Variants in SLC5A4 observed in about 807,000 individuals in gnomAD.
The protein encoded by SLC5A4 is solute carrier family 5 member 4.
SLC5A4 carries 55 observed loss-of-function variants against 70.3 expected under a neutral mutation model. The ratio of observed to expected loss-of-function variants is 0.78; its 90% CI spans 0.63 to 0.98. The LOEUF (loss-of-function observed/expected upper bound fraction) is 0.98. Ranked by LOEUF, SLC5A4 falls within the 50% of genes least tolerant of loss-of-function variation. The probability of loss-of-function intolerance (pLI) is 0.00; values close to 1 mark genes in which losing one functional copy is unlikely to be tolerated. For missense variants in SLC5A4, 735 were observed against 839.2 expected (o/e 0.88, Z 1.53); for synonymous variants, 268 against 305.7 (o/e 0.88, Z 1.29).
At chr22:32,302,458 TTA>T in the SLC5A4 span, among the ~76,000 whole-genome samples, 1 of 152,238 alleles carries the variant, frequency 6.6e-6, no homozygotes, top group Non-Finnish European at 1.5e-5. Context: ...ACATTTAAAT[TTA>T]TATTCTACTT....
At chr22:32,295,147 C>A in the SLC5A4 span, among the ~76,000 whole-genome samples, 9 of 108,150 alleles carry the variant, frequency 8.3e-5, 3 homozygotes, top group Admixed American at 4.1e-4. Context: ...ATCTTTATAG[C>A]AGCATGATTT....
the SLC5A4 span, among the ~76,000 whole-genome samples, chr22:32,329,192 C>T: frequency 6.6e-6 from 1 of 152,014 alleles, no homozygotes; most frequent in Non-Finnish European, 1.5e-5. Context: ...CTGGCCCAGC[C>T]TTGCCATTCA....
the SLC5A4 span, among the ~76,000 whole-genome samples, chr22:32,330,784 TGTG>T: frequency 1.0e-5 from 1 of 100,474 alleles, no homozygotes; most frequent in Non-Finnish European, 2.0e-5. Context: ...GGGGCTCTGG[TGTG>T]TGTGTTGGGG....
At chr22:32,313,774 G>A in the SLC5A4 span, among the ~76,000 whole-genome samples, 4 of 152,080 alleles carry the variant, frequency 2.6e-5, no homozygotes, top group African/African-American at 9.7e-5. Flanking sequence ...ACCCAGTCTG[G>A]CCAATGTCAT....
the SLC5A4 span, among the ~76,000 whole-genome samples, chr22:32,344,749 C>T: frequency 6.6e-6 from 1 of 152,086 alleles, no homozygotes; most frequent in Non-Finnish European, 1.5e-5. Flanking sequence ...CATATAAATA[C>T]AGTATATTTT....
At chr22:32,316,111 A>G in the SLC5A4 span, among the ~76,000 whole-genome samples, 2 of 101,224 alleles carry the variant, frequency 2.0e-5, no homozygotes, top group African/African-American at 3.8e-5. Context: ...TCTGTCTGAA[A>G]AAAAAAAAAA....
At chr22:32,351,852 G>A in the SLC5A4 span, among the ~76,000 whole-genome samples, 1 of 150,924 alleles carries the variant, frequency 6.6e-6, no homozygotes, top group Admixed American at 6.6e-5. Flanking sequence ...AGAAAACAAA[G>A]GGAGGAGGAG....
chr22:32,236,660 A>G (rs568232146), intron 7 of SLC5A4, among the ~76,000 whole-genome samples: 18 of 152,216 alleles, frequency 1.2e-4, no homozygotes, highest in Middle Eastern at 3.4e-3. Context: ...TCTGTCCTTA[A>G]CACAAAGAAA....
the SLC5A4 span, among the ~76,000 whole-genome samples, chr22:32,264,964 C>T: frequency 9.2e-5 from 14 of 152,090 alleles, no homozygotes; most frequent in African/African-American, 3.4e-4. Flanking sequence ...TTTGAAAATG[C>T]CCATGTATAA....
the SLC5A4 span, among the ~76,000 whole-genome samples, chr22:32,311,062 A>C: frequency 6.6e-6 from 1 of 151,890 alleles, no homozygotes; most frequent in Admixed American, 6.6e-5. Context: ...AACGCCCATT[A>C]CTCGGTCCTG....
At chr22:32,285,370 G>A in the SLC5A4 span, among the ~76,000 whole-genome samples, 1 of 152,134 alleles carries the variant, frequency 6.6e-6, no homozygotes, top group Non-Finnish European at 1.5e-5. Flanking sequence ...TAGCAGCAGT[G>A]CATAAGAGTA....
intron 12 of SLC5A4, among the ~76,000 whole-genome samples, 177 bp downstream of exon 12, chr22:32,225,478 G>A (rs142089274): frequency 6.6e-6 from 1 of 152,308 alleles, no homozygotes; most frequent in East Asian, 1.9e-4. Flanking sequence ...TACTATGAAT[G>A]TGCGCTATAT....
chr22:32,320,270 G>A, the SLC5A4 span, among the ~76,000 whole-genome samples: 1 of 152,142 alleles, frequency 6.6e-6, no homozygotes, highest in Non-Finnish European at 1.5e-5. Context: ...CACTGCTGGT[G>A]GGGGGGATGC....
At chr22:32,322,754 G>C in the SLC5A4 span, among the ~76,000 whole-genome samples, 1 of 152,112 alleles carries the variant, frequency 6.6e-6, no homozygotes, top group African/African-American at 2.4e-5. Context: ...TGTGTGTGGG[G>C]ACAGGCAGAT....
chr22:32,324,728 A>G, the SLC5A4 span, among the ~76,000 whole-genome samples: 1 of 152,068 alleles, frequency 6.6e-6, no homozygotes, highest in Non-Finnish European at 1.5e-5. Context: ...AAGCTGTGTG[A>G]CCCTGGGCAA....
the SLC5A4 span, among the ~76,000 whole-genome samples, chr22:32,277,666 G>C: frequency 6.6e-6 from 1 of 152,082 alleles, no homozygotes; most frequent in Non-Finnish European, 1.5e-5. Flanking sequence ...TCCTGCCTCA[G>C]CCTCCCGAGT....
chr22:32,345,932 G>C, the SLC5A4 span, among the ~76,000 whole-genome samples: 2,855 of 152,210 alleles, frequency 0.019, 77 homozygotes, highest in African/African-American at 0.064. Context: ...TATTCAACAA[G>C]AGTTCTTCCT....
intron 8 of SLC5A4, among the ~76,000 whole-genome samples, chr22:32,233,861 C>CAA (rs200295046): frequency 1.5e-5 from 2 of 130,716 alleles, no homozygotes; most frequent in African/African-American, 2.9e-5. Flanking sequence ...TTCCAGGAAC[C>CAA]AAAAAAAAAA....
the SLC5A4 span, among the ~76,000 whole-genome samples, chr22:32,349,913 C>T: frequency 6.6e-6 from 1 of 152,170 alleles, no homozygotes; most frequent in African/African-American, 2.4e-5. Flanking sequence ...TCATAACCTT[C>T]TTTACCATAA....
Sources: gnomAD v4.1 joint callset for allele counts (sites outside exome capture counted in the v4.1 genomes callset) on GRCh38, gnomAD v4.1.1 for gene constraint, MANE v1.5 for transcripts, NCBI Gene and HGNC (gene_info 2026-07-23, HGNC 2026-07-21) for gene names.